The following TXNDC16 variants were observed in gnomAD, a reference collection of about 807,000 sequenced individuals.
TXNDC16 encodes thioredoxin domain containing 16.
TXNDC16 carries 74 observed loss-of-function variants against 85.6 expected under a neutral mutation model. The ratio of observed to expected loss-of-function variants is 0.86; its 90% confidence interval spans 0.72 to 1.05. The LOEUF is 1.05. Among genes scored for constraint, TXNDC16 ranks in the 50% least tolerant of loss-of-function variants. The pLI is 0.00. For synonymous variants in TXNDC16, 335 were observed against 326.5 expected (o/e 1.03, Z -0.28); for missense variants, 959 against 947.0 (o/e 1.01, Z -0.17).
chr14:52,520,926 G>A (rs1217964113), intron 6 of TXNDC16, among the ~76,000 whole-genome samples: 1 of 151,862 alleles, frequency 6.6e-6, no homozygotes, highest in Admixed American at 6.6e-5. Context: ...ATTTATTGAG[G>A]TCCTCAAGGA....
intron 9 of TXNDC16, among the ~76,000 whole-genome samples, chr14:52,493,216 T>TATATATATATATACACACACACAC: frequency 5.2e-5 from 6 of 115,996 alleles, no homozygotes; most frequent in African/African-American, 2.1e-4. Flanking sequence ...TATATATATA[T>TATATATATATATACACACACACAC]ACACACACAC....
chr14:52,478,999 G>T (rs974900678), intron 14 of TXNDC16, among the ~76,000 whole-genome samples: 4 of 152,108 alleles, frequency 2.6e-5, no homozygotes, highest in African/African-American at 9.6e-5. Context: ...GGGATGCAGG[G>T]ATGATTAAAA....
At chr14:52,530,462 AT>A (rs369239873) in intron 6 of TXNDC16, among the ~76,000 whole-genome samples, 9 of 11,578 alleles carry the variant, frequency 7.8e-4, no homozygotes, top group South Asian at 3.3e-3. Context: ...ATAATAATAT[AT>A]ATTATATATT....
At chr14:52,485,629 T>C (rs1265283414) in intron 12 of TXNDC16, among the ~76,000 whole-genome samples, 5 of 152,194 alleles carry the variant, frequency 3.3e-5, no homozygotes, top group African/African-American at 7.2e-5. Flanking sequence ...ATTGTACCTC[T>C]TCTGTGTTTA....
At chr14:52,460,569 T>G (rs1298239531) in intron 16 of TXNDC16, among the ~76,000 whole-genome samples, 1 of 152,158 alleles carries the variant, frequency 6.6e-6, no homozygotes, top group Non-Finnish European at 1.5e-5. Flanking sequence ...GAAAGTTACT[T>G]TGAGGTCAAA....
At chr14:52,536,905 G>A (rs928355154) in intron 5 of TXNDC16, 112 bp from the exon 6 acceptor site, 3 of 866,928 alleles carry the variant, frequency 3.5e-6, no homozygotes, top group African/African-American at 3.4e-5. Context: ...TGATGTTACA[G>A]CTGTGTCTTG....
intron 16 of TXNDC16, among the ~76,000 whole-genome samples, chr14:52,459,299 T>C (rs2035601874): frequency 6.6e-6 from 1 of 152,054 alleles, no homozygotes; most frequent in Admixed American, 6.6e-5. Context: ...CTAACCCCTA[T>C]ATTATACAAA....
rs1232091947 is a variant in TXNDC16, at chr14:52,530,261, A to AAT, written c.392+6456_392+6457dup. Among the ~76,000 whole-genome samples the AAT allele has an allele frequency of 7.5e-4, 41 of 54,306 alleles. 1 individual carries two copies. Among genetic ancestry groups the AAT allele is most frequent in the African/African-American group, 4.0e-3 (41 of 10,342 alleles). 35.6% of individuals were successfully genotyped at this position (54,306 alleles called of 152,430 possible). On this transcript the variant is annotated intron_variant, in intron 6 of 20. Coordinates refer to ENST00000281741, the MANE Select transcript of TXNDC16 (RefSeq NM_020784.3). ...TAATAATATATAATATATATTATAT[A>AAT]ATATATATTATTATTTAATATATAA...
At position 52,511,330 on chromosome 14, in the gene TXNDC16, C is replaced by A; in HGVS notation, c.666G>T (p.Leu222Phe). The A allele has an allele frequency of 1.2e-6, 2 of 1,607,574 alleles. No individual in the cohort carries two copies. Among genetic ancestry groups the A allele is most frequent in the Non-Finnish European group, 1.7e-6 (2 of 1,175,718 alleles). The change falls in exon 9 of 21, where the codon TTG (leucine) becomes TTT (phenylalanine). Residue 222 changes from leucine to phenylalanine, a missense_variant. Transcript: ENST00000281741. ...YFFHCKLVLD[L>F]TQQCRRTLME... Reference sequence around the variant, plus strand: ...TTAGTGTTCTTCTACATTGCTGGGTCAAGTCCAAGACTAGTTTACAATGAA... The same window carrying A: ...TTAGTGTTCTTCTACATTGCTGGGTAAAGTCCAAGACTAGTTTACAATGAA...
At chr14:52,481,349 T>TA (rs1484847900) in intron 14 of TXNDC16, among the ~76,000 whole-genome samples, 21 of 151,404 alleles carry the variant, frequency 1.4e-4, no homozygotes, top group Non-Finnish European at 2.5e-4. Context: ...CCTATGGAAA[T>TA]AAAAAAAAAT....
At chr14:52,525,481 G>T (rs2037307274) in intron 6 of TXNDC16, among the ~76,000 whole-genome samples, 1 of 148,802 alleles carries the variant, frequency 6.7e-6, no homozygotes, top group African/African-American at 2.5e-5. Flanking sequence ...CACAAGGTCA[G>T]GAATTTGAGA....
At chr14:52,493,151 GAAGAT>G (rs1176247010) in intron 9 of TXNDC16, among the ~76,000 whole-genome samples, 1 of 145,252 alleles carries the variant, frequency 6.9e-6, no homozygotes, top group Admixed American at 7.0e-5. Context: ...AATTTAAAAA[GAAGAT>G]TAGAGAAGAA....
chr14:52,537,896 G>C (rs1021199650), intron 4 of TXNDC16, among the ~76,000 whole-genome samples: 1 of 152,058 alleles, frequency 6.6e-6, no homozygotes, highest in Admixed American at 6.5e-5. Context: ...ACCAGTATGT[G>C]GTAACCAGGT....
At chr14:52,474,681 G>A (rs1594709263) in intron 14 of TXNDC16, among the ~76,000 whole-genome samples, 1 of 151,096 alleles carries the variant, frequency 6.6e-6, no homozygotes, top group East Asian at 2.0e-4. Flanking sequence ...AGTGAGCTGA[G>A]ATCATGCCAT....
intron 3 of TXNDC16, among the ~76,000 whole-genome samples, chr14:52,543,188 G>GA (rs1187828860): frequency 6.6e-6 from 1 of 152,176 alleles, no homozygotes; most frequent in East Asian, 1.9e-4. Flanking sequence ...AACAGATGAT[G>GA]AAAGAAAAAC....
intron 9 of TXNDC16, among the ~76,000 whole-genome samples, chr14:52,494,740 CATAT>C (rs2036492276): frequency 6.6e-6 from 1 of 152,154 alleles, no homozygotes; most frequent in Admixed American, 6.5e-5. Flanking sequence ...CTCATGATCA[CATAT>C]ATATTTTTAA....
chr14:52,446,304 G>A (rs747685341), intron 18 of TXNDC16, among the ~76,000 whole-genome samples: 2 of 152,190 alleles, frequency 1.3e-5, no homozygotes, highest in Non-Finnish European at 2.9e-5. Flanking sequence ...TGAACTCAGT[G>A]CTGCCCTGTT....
chr14:52,503,707 G>A (rs1420166709), intron 9 of TXNDC16, among the ~76,000 whole-genome samples: 1 of 152,188 alleles, frequency 6.6e-6, no homozygotes, highest in Non-Finnish European at 1.5e-5. Context: ...CACCAGCAAT[G>A]GAACAAAGCT....
At chr14:52,502,761 C>T (rs1594735672) in intron 9 of TXNDC16, among the ~76,000 whole-genome samples, 1 of 152,126 alleles carries the variant, frequency 6.6e-6, no homozygotes, top group South Asian at 2.1e-4. Context: ...GAGCGTGACC[C>T]GAAGCAGGGT....
Sources: gnomAD v4.1 joint callset for allele counts (sites outside exome capture counted in the v4.1 genomes callset) on GRCh38, gnomAD v4.1.1 for gene constraint, MANE v1.5 for transcripts, NCBI Gene and HGNC (gene_info 2026-07-23, HGNC 2026-07-21) for gene names.